Variants in NTRK3 observed in about 807,000 individuals in gnomAD.
NTRK3 encodes NT-3 growth factor receptor.
Under a neutral mutation model 91.7 loss-of-function variants are expected in NTRK3, and 24 were observed. The observed-to-expected ratio is 0.26, with a 90% CI of 0.19 to 0.37. NTRK3 has a LOEUF of 0.37. NTRK3 is among the 10% of genes least tolerant of loss of function. The probability of loss-of-function intolerance (pLI) is 1.00; values close to 1 mark genes in which losing one functional copy is unlikely to be tolerated. For missense variants in NTRK3, 880 were observed against 1,068.9 expected, an observed-to-expected ratio of 0.82 and a Z score of 2.46; for synonymous variants, 483 against 404.0, an observed-to-expected ratio of 1.20 and a Z score of -2.34.
chr15:87,885,156 T>C (rs78513901), intron 17 of NTRK3, among the ~76,000 whole-genome samples: 153 of 152,012 alleles, frequency 1.0e-3, no homozygotes, highest in African/African-American at 2.9e-3. Flanking sequence ...ATAAGATTAT[T>C]TGTACAATAA....
intron 14 of NTRK3, among the ~76,000 whole-genome samples, chr15:88,005,051 G>A (rs2076389152): frequency 6.6e-6 from 1 of 152,140 alleles, no homozygotes; most frequent in African/African-American, 2.4e-5. Context: ...AAGTAGAGCT[G>A]GGTTTTAACC....
chr15:87,913,438 C>T (rs1001168063), intron 17 of NTRK3, among the ~76,000 whole-genome samples: 1 of 152,126 alleles, frequency 6.6e-6, no homozygotes, highest in Non-Finnish European at 1.5e-5. Flanking sequence ...TGTGTCAGAA[C>T]AGGACACAAG....
At chr15:87,979,405 G>T in intron 14 of NTRK3, 1 of 1,613,970 alleles carries the variant, frequency 6.2e-7, no homozygotes, top group Non-Finnish European at 8.5e-7. Flanking sequence ...AGATGCCATG[G>T]TTAAGAGGCT....
At chr15:88,101,222 T>C (rs1016302987) in intron 13 of NTRK3, among the ~76,000 whole-genome samples, 1 of 152,174 alleles carries the variant, frequency 6.6e-6, no homozygotes, top group Non-Finnish European at 1.5e-5. Flanking sequence ...GAATAGACAC[T>C]TCTCAAAAGA....
At chr15:87,880,207 CTG>C (rs2065167412) in intron 18 of NTRK3, 61 bp downstream of exon 19, 1 of 1,606,628 alleles carries the variant, frequency 6.2e-7, no homozygotes, top group East Asian at 2.2e-5. Flanking sequence ...GGTCCAAGTT[CTG>C]GGCTGAGATA....
chr15:88,079,822 C>T (rs1372894678), intron 13 of NTRK3, among the ~76,000 whole-genome samples: 7 of 152,098 alleles, frequency 4.6e-5, no homozygotes, highest in South Asian at 2.1e-4. Flanking sequence ...AAGAAAAGCA[C>T]GAAGAAAATA....
intron 17 of NTRK3, among the ~76,000 whole-genome samples, chr15:87,919,835 A>G (rs147005530): frequency 1.5e-4 from 23 of 152,328 alleles, no homozygotes; most frequent in African/African-American, 5.3e-4. Flanking sequence ...ATCAGGAAGG[A>G]AAAAACGGGG....
chr15:88,034,202 A>G (rs2078867496), intron 13 of NTRK3, among the ~76,000 whole-genome samples: 1 of 152,160 alleles, frequency 6.6e-6, no homozygotes, highest in Non-Finnish European at 1.5e-5. Context: ...TTTACAAATG[A>G]CAGTAACGAA....
intron 17 of NTRK3, among the ~76,000 whole-genome samples, chr15:87,896,631 G>C (rs1469274325): frequency 1.3e-5 from 2 of 152,052 alleles, no homozygotes; most frequent in African/African-American, 4.8e-5. Context: ...GTTCTCCCCA[G>C]TTTGTGTGGG....
At chr15:88,107,043 C>T (rs1323902475) in intron 13 of NTRK3, among the ~76,000 whole-genome samples, 3 of 94,392 alleles carry the variant, frequency 3.2e-5, no homozygotes, top group Admixed American at 8.8e-5. Context: ...TATGTATTCA[C>T]ACATATGATG....
intron 3 of NTRK3, among the ~76,000 whole-genome samples, chr15:88,219,359 C>CGGG (rs1246059667): frequency 6.6e-6 from 1 of 152,236 alleles, no homozygotes; most frequent in East Asian, 1.9e-4. Flanking sequence ...AACCCACAGA[C>CGGG]GGGGGCCAAG....
intron 13 of NTRK3, among the ~76,000 whole-genome samples, chr15:88,060,868 A>C (rs1374650867): frequency 6.6e-6 from 1 of 152,112 alleles, no homozygotes; most frequent in Non-Finnish European, 1.5e-5. Context: ...TATCATCTTA[A>C]ATTTACTATC....
intron 14 of NTRK3, among the ~76,000 whole-genome samples, chr15:88,005,252 C>A (rs1596643066): frequency 6.6e-6 from 1 of 152,144 alleles, no homozygotes; most frequent in Non-Finnish European, 1.5e-5. Flanking sequence ...TGAGTAGGAG[C>A]CAGATGCTTC....
chr15:88,076,864 G>C (rs942108893), intron 13 of NTRK3, among the ~76,000 whole-genome samples: 2 of 152,014 alleles, frequency 1.3e-5, no homozygotes, highest in Non-Finnish European at 2.9e-5. Context: ...AATCCGAGGT[G>C]GGTGGATCAC....
chr15:87,911,076 G>C (rs2067063220), intron 17 of NTRK3, among the ~76,000 whole-genome samples: 1 of 152,128 alleles, frequency 6.6e-6, no homozygotes, highest in African/African-American at 2.4e-5. Context: ...TGGATTTTTA[G>C]AGTTGAAAGG....
At chr15:87,973,004 G>T (rs2073385605) in intron 14 of NTRK3, among the ~76,000 whole-genome samples, 1 of 152,128 alleles carries the variant, frequency 6.6e-6, no homozygotes, top group Non-Finnish European at 1.5e-5. Flanking sequence ...CCAGTCAAAG[G>T]TTTGCCTCTG....
intron 3 of NTRK3, among the ~76,000 whole-genome samples, chr15:88,227,071 G>A (rs777868532): frequency 6.0e-4 from 91 of 152,124 alleles, no homozygotes; most frequent in Non-Finnish European, 1.2e-3. Flanking sequence ...GAGGCTCTGT[G>A]GACAGAGATG....
rs151259503 is a variant in NTRK3 at position 88,236,123 on chromosome 15, G to A, written c.248+19783C>T. On this transcript the variant is annotated intron_variant, in intron 3 of 18. Transcript: ENST00000394480. Reference sequence around the variant, plus strand: ...TGACCCAAGAGAAATGAAAGCCTACGTTCACAAAAAGGCTTGTACAAGAAT... The same window carrying A: ...TGACCCAAGAGAAATGAAAGCCTACATTCACAAAAAGGCTTGTACAAGAAT... 9.7e-4 allele frequency among the ~76,000 whole-genome samples: 148 copies of A among 152,220 alleles called. 4 individuals carry two copies. In the East Asian group the frequency reaches 0.026, roughly 27 times the overall value.
chr15:87,861,296 C>G (rs756967419), exon 19 of NTRK3: 1 of 216,704 alleles, frequency 4.6e-6, no homozygotes, highest in Non-Finnish European at 9.3e-6. Context: ...TCTCAGGGAA[C>G]GTAATATCCT....
Sources: allele counts gnomAD v4.1 joint callset (sites outside exome capture counted in the v4.1 genomes callset), GRCh38; gene constraint gnomAD v4.1.1; transcripts MANE v1.5; gene names NCBI Gene and HGNC (gene_info 2026-07-23, HGNC 2026-07-21).